The following TSNARE1 variants were observed in gnomAD, a reference collection of about 807,000 sequenced individuals.
TSNARE1 encodes t-SNARE domain containing 1.
In TSNARE1, 49 loss-of-function variants were observed where a neutral mutation model predicts 62.0. The observed-to-expected ratio is 0.79, with a 90% CI of 0.63 to 1.00. The LOEUF is 1.00. Among genes scored for constraint, TSNARE1 ranks in the 50% least tolerant of loss-of-function variants. The pLI, the probability that TSNARE1 is intolerant of heterozygous loss-of-function variation, is 0.00. For synonymous variants in TSNARE1, 328 were observed against 294.4 expected (o/e 1.11, Z -1.17); for missense variants, 755 against 700.1 (o/e 1.08, Z -0.88).
intron 1 of TSNARE1, among the ~76,000 whole-genome samples, chr8:142,382,082 C>T (rs978101707): frequency 1.3e-5 from 2 of 152,204 alleles, no homozygotes; most frequent in Non-Finnish European, 2.9e-5. Flanking sequence ...CAGCATCAGC[C>T]CTGTGCAGCC....
intron 1 of TSNARE1, among the ~76,000 whole-genome samples, chr8:142,374,181 G>A (rs763659124): frequency 2.6e-5 from 4 of 151,884 alleles, no homozygotes; most frequent in Non-Finnish European, 4.4e-5. Flanking sequence ...GCCCACACCT[G>A]TAATCCCAGC....
intron 12 of TSNARE1, chr8:142,274,076 C>T: frequency 1.0e-6 from 1 of 985,404 alleles, no homozygotes; most frequent in African/African-American, 1.7e-5. Context: ...GCCACCCTCA[C>T]CTTGCTGGAC....
chr8:142,241,836 C>T (rs904348931), intron 12 of TSNARE1, among the ~76,000 whole-genome samples: 4 of 151,562 alleles, frequency 2.6e-5, no homozygotes, highest in Non-Finnish European at 5.9e-5. Flanking sequence ...CATCTCACGC[C>T]GTATACAACA....
chr8:142,397,588 G>GA (rs1409757407), intron 1 of TSNARE1, among the ~76,000 whole-genome samples: 1 of 152,196 alleles, frequency 6.6e-6, no homozygotes, highest in African/African-American at 2.4e-5. Context: ...ATCAGAGGGA[G>GA]AAAACGAGGC....
intron 12 of TSNARE1, chr8:142,247,529 G>A (rs549498955): frequency 6.6e-6 from 1 of 152,348 alleles, no homozygotes; most frequent in African/African-American, 2.4e-5. Context: ...GTGGGGGGTG[G>A]GGGCAATTGG....
chr8:142,287,972 C>T (rs1823048458), intron 10 of TSNARE1, among the ~76,000 whole-genome samples: 1 of 152,258 alleles, frequency 6.6e-6, no homozygotes, highest in Non-Finnish European at 1.5e-5. Flanking sequence ...TTCAGGACGT[C>T]CCGTGCTGCA....
At chr8:142,233,886 A>C (rs4325022) in intron 12 of TSNARE1, among the ~76,000 whole-genome samples, 3 of 151,882 alleles carry the variant, frequency 2.0e-5, no homozygotes, top group African/African-American at 7.3e-5. Flanking sequence ...GTACAGAACC[A>C]GCCACTGCAC....
At chr8:142,234,992 C>T (rs1454018948) in intron 12 of TSNARE1, among the ~76,000 whole-genome samples, 3 of 152,056 alleles carry the variant, frequency 2.0e-5, no homozygotes, top group Non-Finnish European at 4.4e-5. Flanking sequence ...CTGAGGAGTG[C>T]CCCCAGCAAA....
At chr8:142,350,982 C>T (rs118134056) in intron 2 of TSNARE1, among the ~76,000 whole-genome samples, 1,878 of 152,316 alleles carry the variant, frequency 0.012, 20 homozygotes, top group Non-Finnish European at 0.019. Flanking sequence ...AACTGCAGGT[C>T]GGGTATGGCA....
At chr8:142,289,319 C>T (rs1028120206) in intron 10 of TSNARE1, among the ~76,000 whole-genome samples, 3 of 152,138 alleles carry the variant, frequency 2.0e-5, no homozygotes, top group African/African-American at 2.4e-5. Context: ...GCCCTGGGCA[C>T]GGCCAGCTGG....
In TSNARE1 at chr8:142,284,565, C is replaced by T. The variant is rs186714206; in HGVS notation, c.1291-80G>A. ...GGGCACCTGAAAGTTTCCCATGGAA[C>T]CTGGGGCGGGCCCAGGTGGCACCTG... On this transcript the variant is annotated intron_variant, in intron 10 of 13. Coordinates refer to ENST00000524325, the MANE Select transcript of TSNARE1 (RefSeq NM_145003.5). 401 of 1,235,364 alleles carry T rather than the reference C, an allele frequency of 3.2e-4. 1 individual carries two copies. In the Admixed American group the frequency reaches 5.6e-3, roughly 17 times the overall value. The allele number at this position is 1,235,364 out of a possible 1,614,324, so 76.5% of individuals were successfully genotyped here.
intron 1 of TSNARE1, among the ~76,000 whole-genome samples, chr8:142,395,862 T>C (rs1344056895): frequency 6.6e-6 from 1 of 152,206 alleles, no homozygotes; most frequent in Non-Finnish European, 1.5e-5. Flanking sequence ...GTGTTGCTTC[T>C]TTCTAATGTT....
chr8:142,298,247 G>A (rs574095275), intron 10 of TSNARE1, among the ~76,000 whole-genome samples: 2 of 152,346 alleles, frequency 1.3e-5, no homozygotes, highest in East Asian at 1.9e-4. Flanking sequence ...CACGTGGGGC[G>A]CCCTTGCCCT....
chr8:142,327,778 G>A (rs147528938), intron 6 of TSNARE1, among the ~76,000 whole-genome samples: 1 of 152,308 alleles, frequency 6.6e-6, no homozygotes, highest in Non-Finnish European at 1.5e-5. Flanking sequence ...GTCATCCAAG[G>A]CTCCTTGAGC....
Position 142,391,742 on chromosome 8 carries a change from C to A in TSNARE1, c.-40+11362G>T, listed in dbSNP as rs533865393. ...AGGGCTGCCCGCCCTGCCGCAGCAG[C>A]CGGCATGCCTGGCTGTGCACAGTGG... On this transcript the variant is annotated intron_variant, in intron 1 of 13. Coordinates refer to ENST00000524325, the MANE Select transcript of TSNARE1 (RefSeq NM_145003.5). 2.8e-3 allele frequency among the ~76,000 whole-genome samples: 423 copies of A among 152,362 alleles called. 2 individuals carry two copies. The highest frequency in any genetic ancestry group is 9.3e-3 in the African/African-American group (386 of 41,588).
chr8:142,313,748 T>C (rs977534790), intron 9 of TSNARE1, among the ~76,000 whole-genome samples: 16 of 152,346 alleles, frequency 1.1e-4, no homozygotes, highest in African/African-American at 3.6e-4. Context: ...TGTGCATTTT[T>C]CTGTATGCAT....
intron 12 of TSNARE1, among the ~76,000 whole-genome samples, chr8:142,262,983 A>G (rs1818967952): frequency 6.6e-6 from 1 of 152,190 alleles, no homozygotes. Context: ...AAATTCTACT[A>G]ATTTGTCCAG....
At chr8:142,274,108 C>G (rs1023972304) in intron 12 of TSNARE1, 4 of 985,416 alleles carry the variant, frequency 4.1e-6, no homozygotes, top group Non-Finnish European at 4.8e-6. Context: ...CCTGCCTGGC[C>G]CCTGGGACTC....
At chr8:142,251,466 G>A (rs1038235935) in intron 12 of TSNARE1, among the ~76,000 whole-genome samples, 1 of 151,978 alleles carries the variant, frequency 6.6e-6, no homozygotes, top group African/African-American at 2.4e-5. Flanking sequence ...CCCATAAGCA[G>A]TGGGCCCACG....
Sources: gnomAD v4.1 joint callset for allele counts (sites outside exome capture counted in the v4.1 genomes callset) on GRCh38, gnomAD v4.1.1 for gene constraint, MANE v1.5 for transcripts, NCBI Gene and HGNC (gene_info 2026-07-23, HGNC 2026-07-21) for gene names.